Variants in OTC observed in about 807,000 individuals in gnomAD.
OTC encodes the protein ornithine transcarbamylase.
In OTC, 3 loss-of-function variants were observed where a neutral mutation model predicts 30.3. The ratio of observed to expected loss-of-function variants is 0.10; its 90% confidence interval spans 0.05 to 0.26. The LOEUF is 0.26. Among genes scored for constraint, OTC ranks in the 10% least tolerant of loss-of-function variants. The pLI is 1.00. For missense variants in OTC, 194 were observed against 260.3 expected (o/e 0.75, Z 1.75); for synonymous variants, 111 against 99.7 (o/e 1.11, Z -0.67).
chrX:38,363,671 G>T (rs1385799541), intron 1 of OTC, among the ~76,000 whole-genome samples: 3 of 111,132 alleles, frequency 2.7e-5, no homozygotes, highest in Non-Finnish European at 5.7e-5. Context: ...TAAATGCCTT[G>T]CTTCCAAAGT....
intron 4 of OTC, among the ~76,000 whole-genome samples, chrX:38,385,174 G>A (rs1409484147): frequency 9.0e-6 from 1 of 111,636 alleles, no homozygotes; most frequent in Non-Finnish European, 1.9e-5. Flanking sequence ...GGAGGTTGAG[G>A]CAGGAGAATC....
chrX:38,328,763 GT>G, the OTC span, among the ~76,000 whole-genome samples: 1 of 112,223 alleles, frequency 8.9e-6, no homozygotes, highest in Non-Finnish European at 1.9e-5. Context: ...TAGATGCTTT[GT>G]AGAGAATAAA....
chrX:38,367,540 A>G, intron 2 of OTC, 111 bp downstream of exon 2: 1 of 641,774 alleles, frequency 1.6e-6, no homozygotes, highest in South Asian at 2.5e-5. Context: ...AACAGTAGCT[A>G]AGTAATGAAA....
chrX:38,403,797 A>G, intron 6 of OTC, 57 bp downstream of exon 6: 6 of 1,157,881 alleles, frequency 5.2e-6, no homozygotes, highest in Non-Finnish European at 7.1e-6. Flanking sequence ...CTCAGATGCA[A>G]TTACCCAGTG....
At chrX:38,333,278 C>T in the OTC span, among the ~76,000 whole-genome samples, 1 of 109,227 alleles carries the variant, frequency 9.2e-6, no homozygotes, top group Admixed American at 9.8e-5. Context: ...CATGTTTTTC[C>T]TTCTCACAAC....
chrX:38,408,696 G>A (rs1238089960), intron 6 of OTC, 46 bp from the exon 7 acceptor site: 8 of 874,840 alleles, frequency 9.1e-6, no homozygotes, highest in African/African-American at 2.0e-5. Context: ...AAGAAAACAT[G>A]TATAATAAAA....
At chrX:38,381,223 A>G (rs1163841089) in intron 3 of OTC, 119 bp from the exon 4 acceptor site, 3 of 495,894 alleles carry the variant, frequency 6.0e-6, no homozygotes, top group Admixed American at 7.8e-5. Flanking sequence ...TGTATCAGAG[A>G]AGTTGGAGAG....
chrX:38,365,753 G>C (rs1394088148), intron 1 of OTC, among the ~76,000 whole-genome samples: 4 of 112,157 alleles, frequency 3.6e-5, no homozygotes, highest in Non-Finnish European at 7.5e-5. Context: ...TAGCTGTTCT[G>C]ATAGCAGAAC....
At chrX:38,348,815 A>G (rs867750728), upstream of OTC, among the ~76,000 whole-genome samples, 86 of 111,720 alleles carry the variant, frequency 7.7e-4, 1 homozygote, top group African/African-American at 2.3e-3. Flanking sequence ...GTGATGTCAC[A>G]TTAGTAGCTT....
chrX:38,348,222 T>C (rs752101317), upstream of OTC, among the ~76,000 whole-genome samples: 2 of 112,390 alleles, frequency 1.8e-5, no homozygotes, highest in Admixed American at 1.9e-4. Flanking sequence ...CTCATATTTG[T>C]CACACAATAA....
chrX:38,417,445 A>G (rs1043525466), intron 9 of OTC, among the ~76,000 whole-genome samples: 1 of 111,425 alleles, frequency 9.0e-6, no homozygotes, highest in African/African-American at 3.3e-5. Flanking sequence ...ATGAGATCAG[A>G]GTCATGTGAG....
chrX:38,369,061 A>G (rs2068310924), intron 2 of OTC, among the ~76,000 whole-genome samples: 1 of 110,874 alleles, frequency 9.0e-6, no homozygotes, highest in Non-Finnish European at 1.9e-5. Flanking sequence ...GGGCTTCATC[A>G]TTGATCTAAG....
At chrX:38,407,081 G>A (rs1442646409) in intron 6 of OTC, among the ~76,000 whole-genome samples, 3 of 112,753 alleles carry the variant, frequency 2.7e-5, no homozygotes, top group Non-Finnish European at 5.6e-5. Flanking sequence ...GAAAGGAAGG[G>A]AAGGAAGCAG....
At chrX:38,392,807 C>G (rs377205070) in intron 4 of OTC, among the ~76,000 whole-genome samples, 1 of 112,227 alleles carries the variant, frequency 8.9e-6, no homozygotes, top group East Asian at 2.8e-4. Context: ...GGCTTTGTCA[C>G]GCTCCCTTTT....
chrX:38,382,629 A>G (rs1447929682), intron 4 of OTC, among the ~76,000 whole-genome samples: 1 of 112,456 alleles, frequency 8.9e-6, no homozygotes, highest in Non-Finnish European at 1.9e-5. Context: ...TCTTCCAAAT[A>G]ATCTGCCTCT....
At chrX:38,409,131 T>C (rs1193691455) in intron 8 of OTC, 106 bp downstream of exon 8, 5 of 843,387 alleles carry the variant, frequency 5.9e-6, no homozygotes, top group Middle Eastern at 3.6e-4. Context: ...TTTCATTCCC[T>C]ATAAAAGGAC....
intron 4 of OTC, among the ~76,000 whole-genome samples, chrX:38,400,405 G>C (rs924334513): frequency 2.7e-5 from 3 of 111,824 alleles, no homozygotes; most frequent in Non-Finnish European, 5.6e-5. Flanking sequence ...TTCTGTGTCA[G>C]TTCAGGTCCA....
chrX:38,419,483 T>C (rs2068584893), intron 9 of OTC, among the ~76,000 whole-genome samples: 2 of 112,077 alleles, frequency 1.8e-5, no homozygotes, highest in South Asian at 7.4e-4. Context: ...ATCATTCCAT[T>C]TATTTGTGTC....
intron 5 of OTC, among the ~76,000 whole-genome samples, chrX:38,401,658 C>G (rs1428594293): frequency 9.0e-6 from 1 of 111,669 alleles, no homozygotes; most frequent in Non-Finnish European, 1.9e-5. Context: ...TAGCCCATAT[C>G]TCATCTTATG....
Sources: allele counts gnomAD v4.1 joint callset (sites outside exome capture counted in the v4.1 genomes callset), GRCh38; gene constraint gnomAD v4.1.1; transcripts MANE v1.5; gene names NCBI Gene and HGNC (gene_info 2026-07-23, HGNC 2026-07-21).